The following CHD1L variants were observed in gnomAD, a reference collection of about 807,000 sequenced individuals.
CHD1L encodes ATP-dependent chromatin remodeler CHD1L.
Under a neutral mutation model 115.9 loss-of-function variants are expected in CHD1L, and 118 were observed. That is an observed-to-expected ratio of 1.02 (90% CI 0.88 to 1.19). The LOEUF is 1.19. Ranked by LOEUF, CHD1L falls within the 50% of genes most tolerant of loss-of-function variation. CHD1L has a pLI of 0.00. For missense variants in CHD1L, 1,179 were observed against 1,065.3 expected (o/e 1.11, Z -1.49); for synonymous variants, 411 against 387.1 (o/e 1.06, Z -0.72).
the CHD1L span, among the ~76,000 whole-genome samples, chr1:147,200,390 C>G: frequency 1.3e-5 from 2 of 152,272 alleles, no homozygotes; most frequent in South Asian, 4.1e-4. Flanking sequence ...GGCATGTTTT[C>G]AAATCCCTTA....
chr1:147,290,125 TTGTC>T (rs1553969085), intron 19 of CHD1L, among the ~76,000 whole-genome samples: 1 of 152,124 alleles, frequency 6.6e-6, no homozygotes. Flanking sequence ...TGGAGTCTCA[TTGTC>T]TGGAGTGCAG....
chr1:147,205,769 A>G, the CHD1L span, among the ~76,000 whole-genome samples: 8,388 of 151,984 alleles, frequency 0.055, 260 homozygotes, highest in African/African-American at 0.091. Context: ...ATTAATTCAA[A>G]ATGGATTAAA....
the CHD1L span, among the ~76,000 whole-genome samples, chr1:147,206,316 G>A: frequency 7.2e-5 from 11 of 152,192 alleles, no homozygotes; most frequent in Non-Finnish European, 1.5e-4. Context: ...TACACTGTTG[G>A]TGGGACTGTA....
chr1:147,186,749 T>C, the CHD1L span: 1 of 1,438,148 alleles, frequency 7.0e-7, no homozygotes, highest in South Asian at 1.5e-5. Context: ...CAGGTTTCAT[T>C]GTAGGAAAAA....
chr1:147,275,489 T>G (rs1553956952), intron 13 of CHD1L, 21 bp downstream of exon 13: 1 of 1,582,450 alleles, frequency 6.3e-7, no homozygotes, highest in Non-Finnish European at 8.7e-7. Context: ...TTTTTCTGCT[T>G]CCTTGGCTTG....
At position 147,254,916 on chromosome 1, in the gene CHD1L, G is replaced by T. The variant is rs782145750; in HGVS notation, c.287G>T (p.Gly96Val). The change falls in exon 3 of 23, where the codon GGG becomes GTG. Residue 96 changes from glycine to valine, a missense_variant. Gly to Val is a moderately radical substitution (Grantham distance 109). Transcript: ENST00000369258. ...TTGGCAGGAAGATTAAATGATGAAGGGCCATTTCTGATTCTTTGTCCCTTG... is the reference window on the plus strand; with the variant it reads ...TTGGCAGGAAGATTAAATGATGAAGTGCCATTTCTGATTCTTTGTCCCTTG... ...IYLAGRLNDE[G>V]PFLILCPLSV... 6.2e-7 allele frequency: 1 copy of T among 1,611,506 alleles called. No individual in the cohort carries two copies. Among genetic ancestry groups the T allele is most frequent in the South Asian group, 1.1e-5 (1 of 90,494 alleles).
chr1:147,294,571 G>T, intron 22 of CHD1L, 54 bp downstream of exon 22: 2 of 1,391,434 alleles, frequency 1.4e-6, no homozygotes, highest in Admixed American at 1.9e-5. Context: ...GGGAAAATGT[G>T]TTCATTTTCT....
the CHD1L span, among the ~76,000 whole-genome samples, chr1:147,186,088 T>C: frequency 6.6e-6 from 1 of 152,168 alleles, no homozygotes; most frequent in East Asian, 1.9e-4. Flanking sequence ...ACTACAACAA[T>C]TGGAAGCTAC....
At chr1:147,294,313 A>T in intron 21 of CHD1L, 96 bp from the exon 22 acceptor site, 1 of 709,398 alleles carries the variant, frequency 1.4e-6, no homozygotes, top group South Asian at 2.8e-5. Flanking sequence ...ATGGGCTTTG[A>T]GGGAGATAGT....
the CHD1L span, among the ~76,000 whole-genome samples, chr1:147,222,655 G>T: frequency 0.48 from 72,246 of 151,650 alleles, 17,898 homozygotes; most frequent in East Asian, 0.69. Flanking sequence ...TGGTCTGTTG[G>T]AACAGAAGTC....
intron 21 of CHD1L, among the ~76,000 whole-genome samples, chr1:147,293,980 G>A (rs1686613350): frequency 6.6e-6 from 1 of 152,056 alleles, no homozygotes; most frequent in Non-Finnish European, 1.5e-5. Context: ...GGTGGCAGAG[G>A]ACTAGACATG....
Position 147,285,318 on chromosome 1 carries a change from C to T in CHD1L, c.1855-6C>T. Reference sequence around the variant, plus strand: ...ACCCTGGTGATGGATCTTGTTCTTCCTCTAGGTTCTCATCCCAGGCCTTGT... The same window carrying T: ...ACCCTGGTGATGGATCTTGTTCTTCTTCTAGGTTCTCATCCCAGGCCTTGT... On this transcript the variant is annotated splice_polypyrimidine_tract_variant and splice_region_variant and intron_variant, in intron 16 of 22. Coordinates refer to ENST00000369258, the MANE Select transcript of CHD1L (RefSeq NM_004284.6). 1.3e-5 allele frequency: 21 copies of T among 1,607,304 alleles called. No individual in the cohort carries two copies. The highest frequency in any genetic ancestry group is 1.7e-5 in the Non-Finnish European group (20 of 1,177,944).
At chr1:147,178,839 T>C in the CHD1L span, 1 of 1,592,926 alleles carries the variant, frequency 6.3e-7, no homozygotes, top group Non-Finnish European at 8.6e-7. Context: ...ACATTTTTGG[T>C]ATCTGCCCTC....
the CHD1L span, among the ~76,000 whole-genome samples, chr1:147,188,885 A>G: frequency 6.6e-6 from 1 of 152,166 alleles, no homozygotes; most frequent in Non-Finnish European, 1.5e-5. Flanking sequence ...CTTTAGAGCC[A>G]GAAAAGAAAG....
intron 15 of CHD1L, among the ~76,000 whole-genome samples, chr1:147,283,392 A>G (rs1681707107): frequency 1.3e-5 from 2 of 152,044 alleles, no homozygotes; most frequent in Admixed American, 6.5e-5. Context: ...ATTTGGTAAC[A>G]TGTGCTACTA....
chr1:147,287,887 C>T (rs1553967399), intron 19 of CHD1L, among the ~76,000 whole-genome samples, 154 bp downstream of exon 19: 1 of 152,220 alleles, frequency 6.6e-6, no homozygotes, highest in African/African-American at 2.4e-5. Context: ...TGTTCTGTGA[C>T]TTCAAGGCAT....
chr1:147,239,368 TGTTTGTAC>T (rs587752040), upstream of CHD1L, among the ~76,000 whole-genome samples: 270 of 152,318 alleles, frequency 1.8e-3, no homozygotes, highest in African/African-American at 6.2e-3. Context: ...TGCCCAGCAC[TGTTTGTAC>T]AAATCCAACA....
chr1:147,201,572 T>C, the CHD1L span: 69 of 1,346,476 alleles, frequency 5.1e-5, no homozygotes, highest in Non-Finnish European at 7.0e-5. Flanking sequence ...ATAAGTAAAA[T>C]TTTGCTTTGG....
At chr1:147,232,136 G>A in the CHD1L span, among the ~76,000 whole-genome samples, 1 of 152,194 alleles carries the variant, frequency 6.6e-6, no homozygotes, top group African/African-American at 2.4e-5. Context: ...AATCTTGAGG[G>A]AGGGCTGCAA....
Sources: gnomAD v4.1 joint callset for allele counts (sites outside exome capture counted in the v4.1 genomes callset) on GRCh38, gnomAD v4.1.1 for gene constraint, MANE v1.5 for transcripts, NCBI Gene and HGNC (gene_info 2026-07-23, HGNC 2026-07-21) for gene names.